PRKG1: variants seen among roughly 807,000 people sequenced by gnomAD.
PRKG1 encodes cGMP-dependent protein kinase 1.
In PRKG1, 35 loss-of-function variants were observed where a neutral mutation model predicts 88.1. The ratio of observed to expected loss-of-function variants is 0.40; its 90% CI spans 0.30 to 0.53. The LOEUF is 0.53. Ranked by LOEUF, PRKG1 falls within the 20% of genes least tolerant of loss-of-function variation. The pLI, the probability that PRKG1 is intolerant of heterozygous loss-of-function variation, is 0.59. For synonymous variants in PRKG1, 303 were observed against 292.5 expected (o/e 1.04, Z -0.37); for missense variants, 540 against 839.8 (o/e 0.64, Z 4.41).
At chr10:51,301,713 A>C (rs1840892620) in intron 2 of PRKG1, among the ~76,000 whole-genome samples, 1 of 152,198 alleles carries the variant, frequency 6.6e-6, no homozygotes, top group African/African-American at 2.4e-5. Context: ...ATGTGAGCTG[A>C]ATCACCAGTG....
intron 1 of PRKG1, among the ~76,000 whole-genome samples, chr10:51,117,444 C>T (rs971320825): frequency 6.6e-6 from 1 of 152,196 alleles, no homozygotes; most frequent in African/African-American, 2.4e-5. Flanking sequence ...AGCAAATGGC[C>T]TAATGAGTAA....
At chr10:52,271,614 A>G (rs759713054) in intron 11 of PRKG1, 125 bp downstream of exon 11, 3 of 1,003,074 alleles carry the variant, frequency 3.0e-6, no homozygotes, top group Non-Finnish European at 4.0e-6. Flanking sequence ...TTTTTAATCT[A>G]ATCTTAAGAA....
At chr10:52,203,645 C>T (rs1013104596) in intron 9 of PRKG1, among the ~76,000 whole-genome samples, 3 of 152,140 alleles carry the variant, frequency 2.0e-5, no homozygotes, top group African/African-American at 7.2e-5. Flanking sequence ...TGTGTGGTTA[C>T]CTGTTTCTTT....
chr10:51,456,744 A>G (rs1839596984), intron 2 of PRKG1, among the ~76,000 whole-genome samples: 1 of 152,172 alleles, frequency 6.6e-6, no homozygotes, highest in African/African-American at 2.4e-5. Context: ...CAGCAAGTAC[A>G]AAACCAAATA....
intron 3 of PRKG1, among the ~76,000 whole-genome samples, chr10:51,513,201 C>T (rs1315882918): frequency 2.0e-5 from 3 of 147,688 alleles, no homozygotes; most frequent in Admixed American, 1.4e-4. Context: ...CAATCCTAGT[C>T]TCTGATAAAA....
intron 1 of PRKG1, among the ~76,000 whole-genome samples, chr10:51,029,323 G>A (rs1427930789): frequency 6.6e-6 from 1 of 152,164 alleles, no homozygotes; most frequent in Non-Finnish European, 1.5e-5. Flanking sequence ...CAAGGGCTGT[G>A]TCATCAGATC....
At chr10:51,825,540 G>T (rs1056267633) in intron 4 of PRKG1, among the ~76,000 whole-genome samples, 2 of 152,062 alleles carry the variant, frequency 1.3e-5, no homozygotes, top group Non-Finnish European at 2.9e-5. Flanking sequence ...ACAGAGATGG[G>T]AAAATTTAGT....
chr10:51,251,251 A>G (rs61849751), intron 2 of PRKG1, among the ~76,000 whole-genome samples: 1 of 151,762 alleles, frequency 6.6e-6, no homozygotes, highest in Admixed American at 6.6e-5. Context: ...TGGCAAGGAC[A>G]TCTGCAAGTT....
chr10:51,887,904 A>C (rs950850606), intron 4 of PRKG1, among the ~76,000 whole-genome samples: 10 of 152,176 alleles, frequency 6.6e-5, no homozygotes, highest in African/African-American at 2.2e-4. Context: ...ATTGTTTTTC[A>C]ATGGTATAAA....
At chr10:52,010,246 G>A (rs936521559) in intron 5 of PRKG1, among the ~76,000 whole-genome samples, 5 of 152,052 alleles carry the variant, frequency 3.3e-5, no homozygotes, top group Admixed American at 1.3e-4. Flanking sequence ...AGCTTACAGA[G>A]TAGGAGAAAA....
chr10:51,600,660 C>CT (rs991560730), intron 3 of PRKG1, among the ~76,000 whole-genome samples: 1 of 151,994 alleles, frequency 6.6e-6, no homozygotes, highest in Admixed American at 6.6e-5. Context: ...CATTTTAAAA[C>CT]TTTTTTTCTA....
At chr10:51,341,472 G>C (rs1376937594) in intron 2 of PRKG1, among the ~76,000 whole-genome samples, 2 of 152,142 alleles carry the variant, frequency 1.3e-5, no homozygotes, top group Non-Finnish European at 2.9e-5. Context: ...CTCTGCTTAC[G>C]TTTGATACTT....
At chr10:52,215,119 G>A (rs77725386) in intron 9 of PRKG1, among the ~76,000 whole-genome samples, 1 of 151,982 alleles carries the variant, frequency 6.6e-6, no homozygotes, top group East Asian at 1.9e-4. Flanking sequence ...TTTGGGCCAG[G>A]CATGGTGGCT....
At position 51,628,138 on chromosome 10, in the gene PRKG1, T is replaced by TTC. The variant is rs57763435; in HGVS notation, c.592+160304_592+160305dup. Among the ~76,000 whole-genome samples the TTC allele has an allele frequency of 2.9e-4, 4 of 13,836 alleles. No homozygotes were observed. In the East Asian group the frequency reaches 0.018, roughly 62 times the overall value. The allele number at this position is 13,836 out of a possible 152,430, so 9.1% of individuals were successfully genotyped here. A position where few individuals can be genotyped will look rare whatever the true frequency, so the allele number is the denominator to read the frequency against. ...TCTTTATTTCTCTTTCTTTCTTTCT[T>TTC]TCTTTCTTTCTTTCTTTCTTTCTTT... On this transcript the variant is annotated intron_variant, in intron 3 of 17. Coordinates refer to ENST00000373980, the MANE Select transcript of PRKG1 (RefSeq NM_006258.4).
intron 1 of PRKG1, among the ~76,000 whole-genome samples, chr10:51,135,873 G>A (rs9415730): frequency 0.51 from 75,536 of 149,274 alleles, 20,192 homozygotes; most frequent in East Asian, 0.72. Context: ...ATAGATGAAG[G>A]TATCCTAACC....
At chr10:52,193,356 C>T (rs1362936800) in intron 9 of PRKG1, among the ~76,000 whole-genome samples, 1 of 151,204 alleles carries the variant, frequency 6.6e-6, no homozygotes, top group African/African-American at 2.4e-5. Flanking sequence ...ACCAGCCTGG[C>T]CAAACATGGT....
chr10:52,125,797 A>G (rs1406582142), intron 7 of PRKG1: 1 of 152,034 alleles, frequency 6.6e-6, no homozygotes, highest in Admixed American at 6.6e-5. Context: ...TTTCTTTCTT[A>G]TCAAGTCAAT....
intron 7 of PRKG1, among the ~76,000 whole-genome samples, chr10:52,064,551 G>A (rs959305567): frequency 6.6e-6 from 1 of 152,100 alleles, no homozygotes; most frequent in Non-Finnish European, 1.5e-5. Flanking sequence ...CCGTGACTTC[G>A]GGCAGCTGTA....
intron 3 of PRKG1, among the ~76,000 whole-genome samples, chr10:51,744,647 T>A (rs1257112164): frequency 2.0e-5 from 3 of 152,256 alleles, no homozygotes; most frequent in African/African-American, 7.2e-5. Context: ...GAAGAATAGA[T>A]GCGTTTTTGT....
Sources: allele counts gnomAD v4.1 joint callset (sites outside exome capture counted in the v4.1 genomes callset), GRCh38; gene constraint gnomAD v4.1.1; transcripts MANE v1.5; gene names NCBI Gene and HGNC (gene_info 2026-07-23, HGNC 2026-07-21).